SLC6A3: variants seen among roughly 807,000 people sequenced by gnomAD.
SLC6A3 encodes the protein sodium-dependent dopamine transporter.
In SLC6A3, 19 loss-of-function variants were observed where a neutral mutation model predicts 70.4. That is an observed-to-expected ratio of 0.27 (90% CI 0.19 to 0.40). The LOEUF is 0.40. Among genes scored for constraint, SLC6A3 ranks in the 10% least tolerant of loss-of-function variants. The pLI is 1.00. For synonymous variants in SLC6A3, 368 were observed against 356.6 expected (o/e 1.03, Z -0.36); for missense variants, 613 against 838.5 (o/e 0.73, Z 3.32).
At position 1,420,787 on chromosome 5, in the gene SLC6A3, C is replaced by T. The variant is rs1489623276; in HGVS notation, c.793-84G>A. ...ACTGGCACAAGGGCACCGGGTTGCC[C>T]TGACGGCTTGTCCTCTGATTGGGAG... On this transcript the variant is annotated intron_variant, in intron 5 of 14. Transcript: ENST00000270349. 2.7e-6 allele frequency: 4 copies of T among 1,494,156 alleles called. No homozygotes were observed. The African/African-American group carries it at 5.5e-5, about 21-fold the overall frequency. The allele number at this position is 1,494,156 out of a possible 1,614,324, so 92.6% of individuals were successfully genotyped here. A position where few individuals can be genotyped will look rare whatever the true frequency, so the allele number is the denominator to read the frequency against.
intron 4 of SLC6A3, among the ~76,000 whole-genome samples, chr5:1,422,928 GC>G (rs1756485405): frequency 1.2e-5 from 1 of 86,928 alleles, no homozygotes; most frequent in Non-Finnish European, 2.1e-5. Flanking sequence ...ACCCACCGCT[GC>G]CCACAGTGCT....
At position 1,406,390 on chromosome 5, in the gene SLC6A3, C is replaced by G. The variant is rs1351206994; in HGVS notation, c.1499-102G>C. 10 of 1,010,528 alleles carry G rather than the reference C, an allele frequency of 9.9e-6. No homozygotes were observed. Among genetic ancestry groups the G allele is most frequent in the Non-Finnish European group, 1.6e-5 (10 of 636,788 alleles). The allele number at this position is 1,010,528 out of a possible 1,614,324, so 62.6% of individuals were successfully genotyped here. A position where few individuals can be genotyped will look rare whatever the true frequency, so the allele number is the denominator to read the frequency against. On this transcript the variant is annotated intron_variant, in intron 11 of 14. Transcript: ENST00000270349. The surrounding 1 kb of genome is among the most constrained non-coding windows in gnomAD (Gnocchi z 8.8). The stretch of plus-strand genomic sequence containing the variant: ...GCTGACTCCCAAGGGCCCCACCTAC[C>G]GGCCCCAGGCTTCGGCTGCACCCAG...
intron 12 of SLC6A3, among the ~76,000 whole-genome samples, chr5:1,403,629 C>G (rs1755904659): frequency 1.3e-5 from 2 of 151,960 alleles, no homozygotes; most frequent in African/African-American, 2.4e-5. Context: ...GACCACCACC[C>G]AGTACACTGA....
intron 14 of SLC6A3, among the ~76,000 whole-genome samples, chr5:1,398,045 A>T (rs906279905): frequency 6.6e-6 from 1 of 152,212 alleles, no homozygotes; most frequent in Admixed American, 6.5e-5. Context: ...TGTATGGTAC[A>T]ACCTCAAGAG....
At chr5:1,444,615 T>G (rs1413683038) in intron 1 of SLC6A3, among the ~76,000 whole-genome samples, 2 of 152,124 alleles carry the variant, frequency 1.3e-5, no homozygotes, top group Non-Finnish European at 2.9e-5. Context: ...ACCCCTCCGG[T>G]GGGTAAAACA....
At position 1,408,791 on chromosome 5, in the gene SLC6A3, G is replaced by T. The variant is rs564810404; in HGVS notation, c.1498+235C>A. Among the ~76,000 whole-genome samples the T allele has an allele frequency of 2.8e-4, 42 of 152,292 alleles. No individual in the cohort carries two copies. Among genetic ancestry groups the T allele is most frequent in the African/African-American group, 8.2e-4 (34 of 41,548 alleles). On this transcript the variant is annotated intron_variant, in intron 11 of 14. Coordinates refer to ENST00000270349, the MANE Select transcript of SLC6A3 (RefSeq NM_001044.5). The surrounding 1 kb of genome is among the most constrained non-coding windows in gnomAD (Gnocchi z 6.4). ...TGGAGGAGGCAGAAGACGCCCAGCC[G>T]CTGTGAACACCTCTGACCACAGTGT...
rs148760717 is a variant in SLC6A3 at position 1,395,997 on chromosome 5, G to A, written c.1840-1239C>T. ...AACCAGACCTCAATTTGACCCCAAAGGACCAGAGCTGTTGCAACAGATTAC... is the reference window on the plus strand; with the variant it reads ...AACCAGACCTCAATTTGACCCCAAAAGACCAGAGCTGTTGCAACAGATTAC... On this transcript the variant is annotated intron_variant, in intron 14 of 14. Coordinates refer to ENST00000270349, the MANE Select transcript of SLC6A3 (RefSeq NM_001044.5). Among the ~76,000 whole-genome samples the A allele has an allele frequency of 8.0e-3, 1,216 of 152,328 alleles. 2 individuals are homozygous for A. The highest frequency in any genetic ancestry group is 0.01 in the Admixed American group (155 of 15,306).
chr5:1,397,450 A>G lies in SLC6A3; in HGVS notation c.1840-2692T>C, dbSNP rs1755748004. Among the ~76,000 whole-genome samples the G allele has an allele frequency of 6.6e-6, 1 of 151,864 alleles. No homozygotes were observed. The highest frequency in any genetic ancestry group is 1.5e-5 in the Non-Finnish European group (1 of 68,018). On this transcript the variant is annotated intron_variant, in intron 14 of 14. Transcript: ENST00000270349. The surrounding 1 kb of genome is among the most constrained non-coding windows in gnomAD (Gnocchi z 4.7). ...CGTCTCAAAACAAACAAACAAACAA[A>G]CAAACAAACAAAAAAGAAACCCAGG...
At chr5:1,429,402 C>T (rs111549576) in intron 4 of SLC6A3, among the ~76,000 whole-genome samples, 6 of 152,352 alleles carry the variant, frequency 3.9e-5, no homozygotes, top group African/African-American at 4.8e-5. Flanking sequence ...CGTGCCAGTG[C>T]GGACAGGGCT....
Position 1,414,719 on chromosome 5 carries a change from A to G in SLC6A3, c.1128T>C (p.Ser376=), listed in dbSNP as rs1413113432. 2 of 1,612,676 alleles carry G rather than the reference A, an allele frequency of 1.2e-6. No homozygotes were observed. Among genetic ancestry groups the G allele is most frequent in the Admixed American group, 3.3e-5 (2 of 59,986 alleles). Residue 376 remains serine, a synonymous_variant, in exon 8 of 15, where the codon AGT becomes AGC. Coordinates refer to ENST00000270349, the MANE Select transcript of SLC6A3 (RefSeq NM_001044.5). ...CCTTGGCCACGTCCCCGATGGGCAC[A>G]CTGTGCTTCTGTGCCATGTACCCCA... ...SFLGYMAQKH[S]VPIGDVAKDG...
chr5:1,400,461 C>A (rs557270595), intron 14 of SLC6A3, among the ~76,000 whole-genome samples: 1 of 152,326 alleles, frequency 6.6e-6, no homozygotes, highest in Non-Finnish European at 1.5e-5. Flanking sequence ...TCACTCGAAG[C>A]CAGCCCCAGG....
At position 1,403,035 on chromosome 5, in the gene SLC6A3, T is replaced by A. The variant is rs747049728; in HGVS notation, c.1654A>T (p.Ile552Phe). The change falls in exon 13 of 15, where the codon ATC becomes TTC. Residue 552 changes from isoleucine to phenylalanine, a missense_variant. Around this residue, in one of 4 missense-constraint regions of SLC6A3, gnomAD observed 348 missense variants for 481.2 expected, o/e 0.72. Transcript: ENST00000270349. Reference protein sequence around the residue: ...TFRPPHYGAYIFPDWANALGW... With the variant: ...TFRPPHYGAYFFPDWANALGW... ...AGCGCGTTGGCCCAGTCGGGGAAGA[T>A]GTAGGCTCCGTAGTGGGGGGGTCTG... The A allele has an allele frequency of 2.5e-6, 4 of 1,613,960 alleles. No individual in the cohort carries two copies. Among genetic ancestry groups the A allele is most frequent in the South Asian group, 2.2e-5 (2 of 91,088 alleles).
chr5:1,416,544 A>T, intron 6 of SLC6A3: 1 of 435,748 alleles, frequency 2.3e-6, no homozygotes, highest in African/African-American at 2.0e-5. Context: ...TGACCACAGC[A>T]TCCTAATAAC....
At chr5:1,423,519 G>T (rs572993686) in intron 4 of SLC6A3, among the ~76,000 whole-genome samples, 1 of 152,368 alleles carries the variant, frequency 6.6e-6, no homozygotes, top group East Asian at 1.9e-4. Context: ...CTGCTATGAG[G>T]ATTCCACAAG....
chr5:1,430,263 G>C (rs182239929), intron 4 of SLC6A3, among the ~76,000 whole-genome samples: 2 of 151,920 alleles, frequency 1.3e-5, no homozygotes, highest in African/African-American at 4.8e-5. Flanking sequence ...CTCAGAGTTC[G>C]TCACTCTTGT....
intron 14 of SLC6A3, among the ~76,000 whole-genome samples, chr5:1,398,573 C>T (rs1018752873): frequency 6.6e-6 from 1 of 152,100 alleles, no homozygotes; most frequent in African/African-American, 2.4e-5. Context: ...ATTAACCTGT[C>T]CAACTGTCAG....
In SLC6A3 at chr5:1,442,774, C is replaced by T. The variant is rs1027760380; in HGVS notation, c.286+138G>A. 2.6e-5 allele frequency: 22 copies of T among 861,050 alleles called. No individual in the cohort carries two copies. Among genetic ancestry groups the T allele is most frequent in the South Asian group, 1.7e-4 (12 of 71,074 alleles). 53.3% of individuals were successfully genotyped at this position (861,050 alleles called of 1,614,324 possible). A position where few individuals can be genotyped will look rare whatever the true frequency, so the allele number is the denominator to read the frequency against. On this transcript the variant is annotated intron_variant, in intron 2 of 14. Coordinates refer to ENST00000270349, the MANE Select transcript of SLC6A3 (RefSeq NM_001044.5). This position sits in a 1 kb window ranked among gnomAD's most constrained non-coding sequence, Gnocchi z 5.0. ...TGACATCCTCTGGGAGGATCTGCAC[C>T]GGCCGTGAGCTCTCACAGGGAGCTC...
At position 1,443,155 on chromosome 5, in the gene SLC6A3, C is replaced by G; in HGVS notation, c.43G>C (p.Val15Leu). ...GCATTGGGCTCCTTAGCCGGGGCCACCACGGAAGACATGAGTCCCACGGAG... is the reference window on the plus strand; with the variant it reads ...GCATTGGGCTCCTTAGCCGGGGCCAGCACGGAAGACATGAGTCCCACGGAG... Reference protein sequence around the residue: ...KCSVGLMSSVVAPAKEPNAVG... With the variant: ...KCSVGLMSSVLAPAKEPNAVG... The change falls in exon 2 of 15, where the codon GTG (valine) becomes CTG (leucine). Residue 15 changes from valine (V) to leucine (L), a missense_variant. By Grantham distance (32) the Val-to-Leu change is conservative (BLOSUM62 1). Around this residue, in one of 4 missense-constraint regions of SLC6A3, gnomAD observed 111 missense variants for 91.6 expected, o/e 1.21. Coordinates refer to ENST00000270349, the MANE Select transcript of SLC6A3 (RefSeq NM_001044.5). The G allele has an allele frequency of 6.2e-7, 1 of 1,614,222 alleles. No homozygotes were observed. The highest frequency in any genetic ancestry group is 8.5e-7 in the Non-Finnish European group (1 of 1,180,036).
At chr5:1,433,453 A>T (rs1358268728) in intron 3 of SLC6A3, among the ~76,000 whole-genome samples, 3 of 152,154 alleles carry the variant, frequency 2.0e-5, no homozygotes, top group Admixed American at 6.5e-5. Context: ...ATCCAGGGCC[A>T]CTTTGAGTCG....
Sources: allele counts gnomAD v4.1 joint callset (sites outside exome capture counted in the v4.1 genomes callset), GRCh38; gene constraint gnomAD v4.1.1; regional missense constraint gnomAD v4.1.1; non-coding constraint Gnocchi (gnomAD v3.1); transcripts MANE v1.5; gene names NCBI Gene and HGNC (gene_info 2026-07-23, HGNC 2026-07-21).